ADAM28: variants seen among roughly 807,000 people sequenced by gnomAD.
The protein encoded by ADAM28 is ADAM metallopeptidase domain 28, also known as disintegrin and metalloproteinase domain-containing protein 28.
ADAM28 carries 105 observed loss-of-function variants against 101.2 expected under a neutral mutation model. The ratio of observed to expected loss-of-function variants is 1.04; its 90% CI spans 0.89 to 1.22. The LOEUF (loss-of-function observed/expected upper bound fraction) is 1.22, where lower values mean the gene tolerates loss of function less well. ADAM28 is among the 50% of genes most tolerant of loss of function. The pLI is 0.00. For synonymous variants in ADAM28, 322 were observed against 310.6 expected, an observed-to-expected ratio of 1.04 and a Z score of -0.39; for missense variants, 1,028 against 945.4, an observed-to-expected ratio of 1.09 and a Z score of -1.15.
chr8:24,343,447 A>G, intron 17 of ADAM28, 59 bp from the exon 18 acceptor site: 1 of 1,520,404 alleles, frequency 6.6e-7, no homozygotes, highest in South Asian at 1.1e-5. Context: ...ATGGATGAGT[A>G]GGGCCTTGAG....
intron 18 of ADAM28, among the ~76,000 whole-genome samples, chr8:24,345,442 A>AT (rs1414739720): frequency 1.3e-5 from 2 of 151,970 alleles, no homozygotes; most frequent in African/African-American, 4.8e-5. Flanking sequence ...CATAATATAC[A>AT]TTTTTTAGCA....
Position 24,300,040 on chromosome 8 carries a change from C to A in ADAM28, c.113C>A (p.Pro38Gln). Residue 38 changes from proline to glutamine, a missense_variant, in exon 2 of 23, where the codon CCA becomes CAA. Physicochemically the swap from Pro to Gln is moderately conservative, Grantham distance 76 (BLOSUM62 -1). Transcript: ENST00000265769. ...GTGGTTTATCCTATAAGACTTCATC[C>A]ACTGCATAAAAGAGAGGCCAAAGAG... ...YEVVYPIRLH[P>Q]LHKREAKEPE... 1 of 1,613,666 alleles carries A rather than the reference C, an allele frequency of 6.2e-7. No individual in the cohort carries two copies. The highest frequency in any genetic ancestry group is 8.5e-7 in the Non-Finnish European group (1 of 1,179,954).
At chr8:24,346,219 G>A (rs1223229440) in intron 18 of ADAM28, among the ~76,000 whole-genome samples, 1 of 151,954 alleles carries the variant, frequency 6.6e-6, no homozygotes, top group Non-Finnish European at 1.5e-5. Flanking sequence ...GGGAATGTAT[G>A]GCTTATAAAC....
chr8:24,311,249 C>T, intron 4 of ADAM28, 112 bp from the exon 5 acceptor site: 1 of 700,350 alleles, frequency 1.4e-6, no homozygotes, highest in Non-Finnish European at 2.4e-6. Context: ...TGTTGTACAG[C>T]AGAATATTGT....
intron 17 of ADAM28, 151 bp from the exon 18 acceptor site, chr8:24,343,355 T>A (rs1014079042): frequency 6.8e-6 from 7 of 1,029,628 alleles, no homozygotes; most frequent in African/African-American, 6.5e-5. Flanking sequence ...ATTCATGAAA[T>A]GCCTCTCATT....
At chr8:24,316,124 T>A (rs1811131444) in intron 6 of ADAM28, among the ~76,000 whole-genome samples, 1 of 151,782 alleles carries the variant, frequency 6.6e-6, no homozygotes, top group South Asian at 2.1e-4. Flanking sequence ...ATACCTTATT[T>A]TATTCTCATA....
intron 16 of ADAM28, 70 bp from the exon 17 acceptor site, chr8:24,343,031 C>A: frequency 4.4e-6 from 7 of 1,606,122 alleles, no homozygotes; most frequent in Non-Finnish European, 6.0e-6. Flanking sequence ...CTAGCCTCTT[C>A]ACACAGACCT....
chr8:24,322,709 C>A (rs1044870193), intron 8 of ADAM28: 1 of 151,886 alleles, frequency 6.6e-6, no homozygotes, highest in African/African-American at 2.4e-5. Flanking sequence ...AGGAAATAAT[C>A]CAGTGAAGGA....
chr8:24,308,181 A>C (rs1329580600), intron 2 of ADAM28, among the ~76,000 whole-genome samples: 1 of 152,096 alleles, frequency 6.6e-6, no homozygotes, highest in Non-Finnish European at 1.5e-5. Context: ...GTGCTCTCCA[A>C]ATCAAGGTGC....
intron 12 of ADAM28, 60 bp downstream of exon 12, chr8:24,331,387 C>T (rs1284276845): frequency 2.0e-6 from 3 of 1,490,154 alleles, no homozygotes; most frequent in African/African-American, 1.4e-5. Context: ...AGAAGATCAA[C>T]TACAAAATAA....
At chr8:24,336,350 G>A (rs1250614266) in intron 14 of ADAM28, among the ~76,000 whole-genome samples, 3 of 151,812 alleles carry the variant, frequency 2.0e-5, no homozygotes, top group East Asian at 1.9e-4. Flanking sequence ...TTGGGAGGCT[G>A]AGGCGGGCGG....
intron 6 of ADAM28, among the ~76,000 whole-genome samples, chr8:24,314,278 A>G (rs1188900429): frequency 1.3e-5 from 2 of 152,160 alleles, no homozygotes; most frequent in Admixed American, 6.6e-5. Flanking sequence ...TTCATTCAAC[A>G]AATCTCTCTT....
intron 2 of ADAM28, among the ~76,000 whole-genome samples, 182 bp from the exon 3 acceptor site, chr8:24,309,712 T>C (rs888916683): frequency 3.3e-5 from 5 of 152,254 alleles, no homozygotes; most frequent in Admixed American, 1.3e-4. Context: ...GATAAAAGGC[T>C]CTCAGATAAT....
intron 18 of ADAM28, among the ~76,000 whole-genome samples, chr8:24,345,593 AT>A (rs1488035061): frequency 6.6e-6 from 1 of 151,762 alleles, no homozygotes; most frequent in African/African-American, 2.4e-5. Context: ...CTATATTTTA[AT>A]TGCATTGAGA....
At chr8:24,332,187 C>T (rs1813442140) in intron 12 of ADAM28, among the ~76,000 whole-genome samples, 1 of 152,062 alleles carries the variant, frequency 6.6e-6, no homozygotes, top group African/African-American at 2.4e-5. Context: ...TGACACAAAG[C>T]AGAGAGACTA....
chr8:24,335,345 A>G (rs1354950844), intron 13 of ADAM28, 101 bp from the exon 14 acceptor site: 4 of 1,444,322 alleles, frequency 2.8e-6, no homozygotes, highest in Non-Finnish European at 3.6e-6. Context: ...TCCAACTACT[A>G]TGCCCAAAAA....
intron 5 of ADAM28, among the ~76,000 whole-genome samples, chr8:24,312,340 G>T (rs1230867847): frequency 6.6e-6 from 1 of 151,762 alleles, no homozygotes. Context: ...ATAATCACTT[G>T]CCCAATTCAG....
At chr8:24,334,680 A>G (rs891954284) in intron 13 of ADAM28, among the ~76,000 whole-genome samples, 5 of 152,206 alleles carry the variant, frequency 3.3e-5, no homozygotes, top group Non-Finnish European at 7.3e-5. Flanking sequence ...TTTGGATTTG[A>G]TCCCGTCACT....
chr8:24,331,553 T>G (rs1321889544), intron 12 of ADAM28, among the ~76,000 whole-genome samples: 1 of 152,164 alleles, frequency 6.6e-6, no homozygotes, highest in Non-Finnish European at 1.5e-5. Flanking sequence ...TTCCTTTTTT[T>G]AAGGACTATT....
Sources: allele counts gnomAD v4.1 joint callset (sites outside exome capture counted in the v4.1 genomes callset), GRCh38; gene constraint gnomAD v4.1.1; transcripts MANE v1.5; gene names NCBI Gene and HGNC (gene_info 2026-07-23, HGNC 2026-07-21).